Variants in BMPR2 observed in about 807,000 individuals in gnomAD.
The protein encoded by BMPR2 is bone morphogenetic protein receptor type 2, also known as bone morphogenetic protein receptor type-2.
Under a neutral mutation model 100.8 loss-of-function variants are expected in BMPR2, and 29 were observed. The observed-to-expected ratio is 0.29, with a 90% confidence interval of 0.21 to 0.39. BMPR2 has a LOEUF of 0.39. Among genes scored for constraint, BMPR2 ranks in the 10% least tolerant of loss-of-function variants. BMPR2 has a pLI of 1.00. For synonymous variants in BMPR2, 382 were observed against 442.3 expected, an observed-to-expected ratio of 0.86 and a Z score of 1.71; for missense variants, 1,011 against 1,274.5, an observed-to-expected ratio of 0.79 and a Z score of 3.15.
chr2:202,533,553 G>C (rs894200355), intron 9 of BMPR2, among the ~76,000 whole-genome samples: 1 of 151,694 alleles, frequency 6.6e-6, no homozygotes, highest in African/African-American at 2.4e-5. Flanking sequence ...GGCCTGGCGC[G>C]GTGGCTTACA....
At chr2:202,448,470 T>TAA (rs563534612) in intron 1 of BMPR2, among the ~76,000 whole-genome samples, 16,393 of 136,958 alleles carry the variant, frequency 0.12, 1,030 homozygotes, top group Non-Finnish European at 0.14. Context: ...AAATAAAAAA[T>TAA]AAAAAAAAAA....
At position 202,419,766 on chromosome 2, in the gene BMPR2, C is replaced by T. The variant is rs369315386; in HGVS notation, c.76+42216C>T. On this transcript the variant is annotated intron_variant, in intron 1 of 12. Coordinates refer to ENST00000374580, the MANE Select transcript of BMPR2 (RefSeq NM_001204.7). Reference sequence around the variant, plus strand: ...AGTGTCAAATGTCTCTAGAAGAAAACAGCGTCTTGTTGATTCTTTAGCTTT... The same window carrying T: ...AGTGTCAAATGTCTCTAGAAGAAAATAGCGTCTTGTTGATTCTTTAGCTTT... 4.6e-5 allele frequency among the ~76,000 whole-genome samples: 7 copies of T among 152,194 alleles called. No individual in the cohort carries two copies. In the South Asian group the frequency reaches 1.0e-3, roughly 23 times the overall value.
chr2:202,451,001 T>G (rs563868637), intron 1 of BMPR2, among the ~76,000 whole-genome samples: 1 of 152,312 alleles, frequency 6.6e-6, no homozygotes, highest in African/African-American at 2.4e-5. Context: ...TTTTGACATT[T>G]AGATAAACCA....
At position 202,532,436 on chromosome 2, in the gene BMPR2, TA is replaced by T; in HGVS notation, c.1129-143del. The stretch of plus-strand genomic sequence containing the variant: ...TTATTCAGGAAGGGCATTTTATAGG[TA>T]AAAAATAAGTTATAGAAAGGTTTAA... On this transcript the variant is annotated intron_variant, in intron 8 of 12. Transcript: ENST00000374580. This position sits in a 1 kb window ranked among gnomAD's most constrained non-coding sequence, Gnocchi z 4.1. 1.1e-6 allele frequency: 1 copy of T among 922,734 alleles called. No homozygotes were observed. The highest frequency in any genetic ancestry group is 1.6e-6 in the Non-Finnish European group (1 of 615,930). 57.2% of individuals were successfully genotyped at this position (922,734 alleles called of 1,614,324 possible). A position where few individuals can be genotyped will look rare whatever the true frequency, so the allele number is the denominator to read the frequency against.
intron 10 of BMPR2, among the ~76,000 whole-genome samples, chr2:202,543,225 TATATATATTTATATAC>T (rs1341221370): frequency 1.2e-4 from 18 of 146,974 alleles, no homozygotes; most frequent in South Asian, 2.1e-4. Context: ...TATATATTTA[TATATATATTTATATAC>T]ATATATATTT....
At chr2:202,391,556 T>G (rs1288904241) in intron 1 of BMPR2, among the ~76,000 whole-genome samples, 1 of 150,364 alleles carries the variant, frequency 6.7e-6, no homozygotes. Context: ...CGTCCCAAAG[T>G]CCTGGAATTA....
chr2:202,416,269 T>C (rs896467913), intron 1 of BMPR2, among the ~76,000 whole-genome samples: 4 of 151,744 alleles, frequency 2.6e-5, no homozygotes, highest in African/African-American at 9.7e-5. Context: ...AGAGTTGCTT[T>C]TTTTTTTTTC....
At chr2:202,543,225 T>TATATATATTTATATACATATATATTTAG (rs1688312523) in intron 10 of BMPR2, among the ~76,000 whole-genome samples, 1 of 146,974 alleles carries the variant, frequency 6.8e-6, no homozygotes, top group Non-Finnish European at 1.5e-5. Flanking sequence ...TATATATTTA[T>TATATATATTTATATACATATATATTTAG]ATATATATTT....
intron 2 of BMPR2, among the ~76,000 whole-genome samples, chr2:202,466,205 A>G (rs1386033272): frequency 2.6e-5 from 4 of 152,196 alleles, no homozygotes; most frequent in Non-Finnish European, 5.9e-5. Flanking sequence ...AAAAATTTCC[A>G]TGTGGCTTTC....
In BMPR2 at chr2:202,512,963, AT is replaced by A. The variant is rs1231674043; in HGVS notation, c.419-740del. Among the ~76,000 whole-genome samples, 1,074 of 142,886 alleles carry A rather than the reference AT, an allele frequency of 7.5e-3. 7 individuals are homozygous for A. Among genetic ancestry groups the A allele is most frequent in the Admixed American group, 0.028 (400 of 14,132 alleles). 93.7% of individuals were successfully genotyped at this position (142,886 alleles called of 152,430 possible). A position where few individuals can be genotyped will look rare whatever the true frequency, so the allele number is the denominator to read the frequency against. ...TATGCTTTTTTAAAAAAAAACTTTA[AT>A]TTTTTTTTTTTTTTTAAAGAAACAG... On this transcript the variant is annotated intron_variant, in intron 3 of 12. Coordinates refer to ENST00000374580, the MANE Select transcript of BMPR2 (RefSeq NM_001204.7).
chr2:202,526,939 C>G (rs1486096456), intron 7 of BMPR2, among the ~76,000 whole-genome samples: 2 of 152,118 alleles, frequency 1.3e-5, no homozygotes, highest in Admixed American at 1.3e-4. Context: ...TGTTGGCTCA[C>G]TGCAACCTCC....
chr2:202,398,061 AT>A (rs1280522822), intron 1 of BMPR2, among the ~76,000 whole-genome samples: 1 of 151,334 alleles, frequency 6.6e-6, no homozygotes, highest in Non-Finnish European at 1.5e-5. Flanking sequence ...GTGAGCCAAA[AT>A]TGCACCACTG....
intron 1 of BMPR2, among the ~76,000 whole-genome samples, chr2:202,448,279 C>G (rs1046659462): frequency 6.6e-6 from 1 of 150,752 alleles, no homozygotes; most frequent in Non-Finnish European, 1.5e-5. Flanking sequence ...GAAACCCCGT[C>G]TCTTCTACAA....
At chr2:202,424,848 A>G (rs901164774) in intron 1 of BMPR2, among the ~76,000 whole-genome samples, 2 of 152,218 alleles carry the variant, frequency 1.3e-5, no homozygotes, top group African/African-American at 4.8e-5. Flanking sequence ...TCAAAATACC[A>G]TTATAAGACC....
chr2:202,380,431 C>T (rs865933631), intron 1 of BMPR2, among the ~76,000 whole-genome samples: 1 of 151,890 alleles, frequency 6.6e-6, no homozygotes, highest in African/African-American at 2.4e-5. Context: ...GTTTAGTAAT[C>T]TTCATTTTAG....
chr2:202,436,153 G>GA (rs1691609998), intron 1 of BMPR2, among the ~76,000 whole-genome samples: 1 of 150,806 alleles, frequency 6.6e-6, no homozygotes, highest in Non-Finnish European at 1.5e-5. Flanking sequence ...CCATTTTCAT[G>GA]AAAACTTAGT....
chr2:202,488,962 T>A (rs1407891449), intron 3 of BMPR2, among the ~76,000 whole-genome samples: 1 of 151,844 alleles, frequency 6.6e-6, no homozygotes, highest in East Asian at 1.9e-4. Context: ...TTGAGATACC[T>A]CATATAAGTG....
intron 3 of BMPR2, among the ~76,000 whole-genome samples, chr2:202,486,909 A>C (rs1483408846): frequency 6.6e-6 from 1 of 152,166 alleles, no homozygotes; most frequent in Non-Finnish European, 1.5e-5. Context: ...GCACGCCTGT[A>C]GTGCCAGCCA....
chr2:202,420,347 T>C (rs1372718620), intron 1 of BMPR2, among the ~76,000 whole-genome samples: 1 of 152,056 alleles, frequency 6.6e-6, no homozygotes, highest in Non-Finnish European at 1.5e-5. Context: ...TATAGTTAAT[T>C]AAAATAATTT....
Sources: gnomAD v4.1 joint callset for allele counts (sites outside exome capture counted in the v4.1 genomes callset) on GRCh38, gnomAD v4.1.1 for gene constraint, Gnocchi (gnomAD v3.1) non-coding constraint, MANE v1.5 for transcripts, NCBI Gene and HGNC (gene_info 2026-07-23, HGNC 2026-07-21) for gene names.